PRR16: variants seen among roughly 807,000 people sequenced by gnomAD.
PRR16 encodes proline rich 16.
Under a neutral mutation model 18.2 loss-of-function variants are expected in PRR16, and 6 were observed. The observed-to-expected ratio is 0.33, with a 90% CI of 0.18 to 0.65. The LOEUF (loss-of-function observed/expected upper bound fraction) is 0.65. Ranked by LOEUF, PRR16 falls within the 30% of genes least tolerant of loss-of-function variation. The pLI, the probability that PRR16 is intolerant of heterozygous loss-of-function variation, is 0.74. For synonymous variants in PRR16, 151 were observed against 147.8 expected (o/e 1.02, Z -0.16); for missense variants, 412 against 376.6 (o/e 1.09, Z -0.78).
the PRR16 span, among the ~76,000 whole-genome samples, chr5:120,735,667 T>C: frequency 6.9e-6 from 1 of 145,528 alleles, no homozygotes; most frequent in African/African-American, 2.8e-5. Context: ...CATATTTTTG[T>C]TGTTGTTGTT....
At chr5:120,568,838 TG>T (rs1237348660) in intron 1 of PRR16, among the ~76,000 whole-genome samples, 2 of 152,138 alleles carry the variant, frequency 1.3e-5, no homozygotes, top group Admixed American at 6.6e-5. Flanking sequence ...GTAGAATTTT[TG>T]TGAAATGAAT....
At chr5:120,530,314 T>C (rs1751511132) in intron 1 of PRR16, among the ~76,000 whole-genome samples, 1 of 145,936 alleles carries the variant, frequency 6.9e-6, no homozygotes, top group South Asian at 2.1e-4. Flanking sequence ...TTTATTTATA[T>C]TTTACTACAC....
intron 1 of PRR16, among the ~76,000 whole-genome samples, chr5:120,641,151 CA>C (rs1755409435): frequency 6.6e-6 from 1 of 152,132 alleles, no homozygotes. Context: ...TGTGCTGAGG[CA>C]ATAGCAAATA....
intron 1 of PRR16, among the ~76,000 whole-genome samples, chr5:120,684,988 T>G (rs1757077195): frequency 6.6e-6 from 1 of 152,192 alleles, no homozygotes; most frequent in South Asian, 2.1e-4. Flanking sequence ...CACCCAGTGA[T>G]AGTAAACATC....
At chr5:120,597,181 A>T (rs953307312) in intron 1 of PRR16, among the ~76,000 whole-genome samples, 2 of 151,518 alleles carry the variant, frequency 1.3e-5, no homozygotes, top group African/African-American at 4.8e-5. Context: ...GACTTTATTT[A>T]TTGTATTTGA....
downstream of PRR16, among the ~76,000 whole-genome samples, chr5:120,689,718 A>G (rs938696207): frequency 6.6e-6 from 1 of 151,978 alleles, no homozygotes; most frequent in Non-Finnish European, 1.5e-5. Flanking sequence ...TTCAAAAGGC[A>G]TGGTAATCAT....
intron 1 of PRR16, among the ~76,000 whole-genome samples, chr5:120,638,271 TA>T (rs1288859983): frequency 6.6e-6 from 1 of 152,068 alleles, no homozygotes; most frequent in African/African-American, 2.4e-5. Flanking sequence ...ATTTTTAGAT[TA>T]AGGATGCCCA....
intron 1 of PRR16, among the ~76,000 whole-genome samples, chr5:120,523,759 T>G (rs1751262725): frequency 6.7e-6 from 1 of 149,294 alleles, no homozygotes; most frequent in Non-Finnish European, 1.5e-5. Context: ...TAAGTCAAAA[T>G]TTTCAGAGTG....
At chr5:120,633,837 A>G (rs1378263) in intron 1 of PRR16, among the ~76,000 whole-genome samples, 476 of 19,346 alleles carry the variant, frequency 0.025, 10 homozygotes, top group Middle Eastern at 0.12. Flanking sequence ...CAGCAACACA[A>G]TAATAGTGGA....
At chr5:120,754,386 A>G in the PRR16 span, among the ~76,000 whole-genome samples, 5 of 27,328 alleles carry the variant, frequency 1.8e-4, no homozygotes, top group Admixed American at 6.5e-4. Context: ...TAACATATAT[A>G]TTATATGTTA....
chr5:120,623,459 C>T (rs537875361), intron 1 of PRR16, among the ~76,000 whole-genome samples: 32 of 152,204 alleles, frequency 2.1e-4, no homozygotes, highest in East Asian at 9.7e-4. Context: ...AACCCAGCTT[C>T]GCTACTTACT....
intron 1 of PRR16, among the ~76,000 whole-genome samples, chr5:120,583,915 A>T (rs1753353643): frequency 6.6e-6 from 1 of 152,142 alleles, no homozygotes; most frequent in African/African-American, 2.4e-5. Flanking sequence ...ACTTTTCAAA[A>T]AATTTATTTA....
chr5:120,675,207 A>G (rs1333951661), intron 1 of PRR16, among the ~76,000 whole-genome samples: 1 of 152,022 alleles, frequency 6.6e-6, no homozygotes, highest in East Asian at 1.9e-4. Context: ...GGATGCTGTG[A>G]CTCCATCTTC....
chr5:120,651,205 T>G (rs1451206330), intron 1 of PRR16, among the ~76,000 whole-genome samples: 5 of 152,150 alleles, frequency 3.3e-5, no homozygotes, highest in African/African-American at 4.8e-5. Flanking sequence ...TTTGTTTGAG[T>G]TCATTGTAGA....
the PRR16 span, among the ~76,000 whole-genome samples, chr5:120,740,881 G>A: frequency 6.6e-6 from 1 of 151,666 alleles, no homozygotes; most frequent in Non-Finnish European, 1.5e-5. Flanking sequence ...TTGTATGATA[G>A]CATAAAAAGG....
the PRR16 span, among the ~76,000 whole-genome samples, chr5:120,740,773 T>G: frequency 1.3e-5 from 2 of 152,182 alleles, no homozygotes; most frequent in South Asian, 4.1e-4. Context: ...CCTTGAACAT[T>G]TAGATTAACT....
At chr5:120,605,715 G>A (rs1309567487) in intron 1 of PRR16, among the ~76,000 whole-genome samples, 3 of 152,270 alleles carry the variant, frequency 2.0e-5, no homozygotes, top group East Asian at 1.9e-4. Context: ...ATGCCCTTTA[G>A]GGTTTGATTG....
At chr5:120,670,134 C>T (rs965028881) in intron 1 of PRR16, among the ~76,000 whole-genome samples, 2 of 152,010 alleles carry the variant, frequency 1.3e-5, no homozygotes, top group Non-Finnish European at 2.9e-5. Flanking sequence ...ATTGGTTTTA[C>T]AGTTTTCATA....
At chr5:120,763,541 CT>C in the PRR16 span, among the ~76,000 whole-genome samples, 1 of 152,084 alleles carries the variant, frequency 6.6e-6, no homozygotes, top group East Asian at 1.9e-4. Context: ...ACTGTTTGAG[CT>C]TTCTTTTGGT....
Sources: allele counts gnomAD v4.1 joint callset (sites outside exome capture counted in the v4.1 genomes callset), GRCh38; gene constraint gnomAD v4.1.1; transcripts MANE v1.5; gene names NCBI Gene and HGNC (gene_info 2026-07-23, HGNC 2026-07-21).